The following SDK1 variants were observed in gnomAD, a reference collection of about 807,000 sequenced individuals.
The protein encoded by SDK1 is protein sidekick-1.
SDK1 carries 157 observed loss-of-function variants against 245.5 expected under a neutral mutation model. That is an observed-to-expected ratio of 0.64 (90% confidence interval 0.56 to 0.73). The LOEUF is 0.73. SDK1 is among the 30% of genes least tolerant of loss of function. SDK1 has a pLI of 0.00. For synonymous variants in SDK1, 1,647 were observed against 1,278.5 expected, an observed-to-expected ratio of 1.29 and a Z score of -6.15; for missense variants, 3,583 against 3,002.3, an observed-to-expected ratio of 1.19 and a Z score of -4.52.
chr7:3,662,456 C>T (rs573932065), intron 4 of SDK1, among the ~76,000 whole-genome samples: 1 of 152,238 alleles, frequency 6.6e-6, no homozygotes, highest in South Asian at 2.1e-4. Context: ...TGACTGTAGA[C>T]AACTCTCCTA....
chr7:3,603,000 A>C (rs1201034884), intron 1 of SDK1, among the ~76,000 whole-genome samples: 2 of 152,108 alleles, frequency 1.3e-5, no homozygotes, highest in Admixed American at 6.6e-5. Flanking sequence ...ATATACATGC[A>C]GCATTATTTC....
chr7:3,780,821 T>C (rs906941149), intron 4 of SDK1, among the ~76,000 whole-genome samples: 15 of 152,004 alleles, frequency 9.9e-5, no homozygotes, highest in African/African-American at 3.4e-4. Flanking sequence ...GCAGCACTAC[T>C]CAGCCAAAAA....
At chr7:3,838,844 A>C (rs956353075) in intron 5 of SDK1, among the ~76,000 whole-genome samples, 1 of 152,298 alleles carries the variant, frequency 6.6e-6, no homozygotes, top group Middle Eastern at 3.4e-3. Flanking sequence ...AATATAACCA[A>C]GTCTCTATCA....
At position 4,067,913 on chromosome 7, in the gene SDK1, T is replaced by G. The variant is rs145811526; in HGVS notation, c.2987T>G (p.Leu996Arg). ...CTCAAGGTCAGCTGGCAGGAGCCCC[T>G]GGAGAAAAATGGCATCATTACTGGT... is the stretch of plus-strand genomic sequence containing the variant. The part of the protein sequence containing the change: ...TSLKVSWQEP[L>R]EKNGIITGYQ... The change falls in exon 20 of 45, where the codon CTG becomes CGG. Residue 996 changes from leucine to arginine, a missense_variant. Physicochemically the swap from Leu to Arg is moderately radical, Grantham distance 102 (BLOSUM62 -2). Transcript: ENST00000404826. 169 of 1,611,806 alleles carry G rather than the reference T, an allele frequency of 1.0e-4. No individual in the cohort carries two copies. The highest frequency in any genetic ancestry group is 6.7e-5 in the Admixed American group (4 of 59,800).
intron 5 of SDK1, among the ~76,000 whole-genome samples, chr7:3,893,066 C>G (rs1207067249): frequency 6.6e-6 from 1 of 152,164 alleles, no homozygotes; most frequent in Non-Finnish European, 1.5e-5. Context: ...GGTGTGGGTC[C>G]ATCATATACC....
chr7:3,877,393 T>G (rs765615251), intron 5 of SDK1, among the ~76,000 whole-genome samples: 1 of 152,168 alleles, frequency 6.6e-6, no homozygotes. Flanking sequence ...GCTATGACAT[T>G]GTTAAACGTT....
At chr7:3,764,530 A>G (rs1780196957) in intron 4 of SDK1, among the ~76,000 whole-genome samples, 1 of 152,110 alleles carries the variant, frequency 6.6e-6, no homozygotes. Flanking sequence ...TACTAATAAT[A>G]CAAAAATTAG....
chr7:3,812,102 A>G (rs1583439496), intron 4 of SDK1, among the ~76,000 whole-genome samples: 2 of 152,224 alleles, frequency 1.3e-5, no homozygotes, highest in Admixed American at 1.3e-4. Flanking sequence ...CATATTTTCC[A>G]GTATGTCTTC....
rs531104426 is a variant in SDK1 at position 3,849,834 on chromosome 7, C to G, written c.847+28251C>G. ...TAGGTCTTTCTTAAAAAAGCTGTTC[C>G]AAAGCTCACGTGGAGAGTTTGTGAT... On this transcript the variant is annotated intron_variant, in intron 5 of 44. Coordinates refer to ENST00000404826, the MANE Select transcript of SDK1 (RefSeq NM_152744.4). Among the ~76,000 whole-genome samples the G allele has an allele frequency of 3.3e-5, 5 of 152,228 alleles. No individual in the cohort carries two copies. In the South Asian group the frequency reaches 1.0e-3, roughly 32 times the overall value.
chr7:3,474,176 C>G (rs1206538807), intron 1 of SDK1, among the ~76,000 whole-genome samples: 1 of 139,014 alleles, frequency 7.2e-6, no homozygotes, highest in African/African-American at 2.7e-5. Context: ...AATCTCGGCT[C>G]ACTGCAACCT....
chr7:3,489,825 C>G (rs1290703211), intron 1 of SDK1, among the ~76,000 whole-genome samples: 1 of 152,172 alleles, frequency 6.6e-6, no homozygotes, highest in Non-Finnish European at 1.5e-5. Context: ...CAGCAAGATT[C>G]ATGCTAACTA....
In SDK1 at chr7:3,662,190, A is replaced by G. The variant is rs191318536; in HGVS notation, c.713+20085A>G. Among the ~76,000 whole-genome samples the G allele has an allele frequency of 3.3e-5, 5 of 152,236 alleles. No homozygotes were observed. In the East Asian group the frequency reaches 5.8e-4, roughly 18 times the overall value. ...ATTCGAACAAAAGTCCAAATTCTCA[A>G]TAACAATAGGTAAAATGGAACTGAT... On this transcript the variant is annotated intron_variant, in intron 4 of 44. Transcript: ENST00000404826.
At chr7:3,340,165 C>A in intron 1 of SDK1, among the ~76,000 whole-genome samples, 1 of 151,294 alleles carries the variant, frequency 6.6e-6, no homozygotes, top group East Asian at 1.9e-4. Flanking sequence ...AAAACTCAAC[C>A]AAGACAAAAT....
At chr7:3,542,097 G>T (rs1031516823) in intron 1 of SDK1, among the ~76,000 whole-genome samples, 7 of 152,108 alleles carry the variant, frequency 4.6e-5, no homozygotes, top group Non-Finnish European at 8.8e-5. Context: ...ATTTCACATT[G>T]ATTTAAAATT....
chr7:3,588,862 C>T (rs1253099900), intron 1 of SDK1, among the ~76,000 whole-genome samples: 1 of 152,162 alleles, frequency 6.6e-6, no homozygotes, highest in East Asian at 1.9e-4. Flanking sequence ...ATTGGATTTA[C>T]TCTGCTTTCC....
At chr7:4,142,831 A>G (rs1288460116) in intron 28 of SDK1, among the ~76,000 whole-genome samples, 1 of 152,224 alleles carries the variant, frequency 6.6e-6, no homozygotes, top group Non-Finnish European at 1.5e-5. Context: ...AGCTCAAGAA[A>G]TCATAACAAT....
intron 4 of SDK1, among the ~76,000 whole-genome samples, chr7:3,680,615 ATCT>A (rs1308521083): frequency 2.0e-5 from 3 of 152,202 alleles, no homozygotes; most frequent in Non-Finnish European, 4.4e-5. Flanking sequence ...CAATTTTGGT[ATCT>A]TCTTATGAAT....
At chr7:3,589,427 T>G (rs1295768149) in intron 1 of SDK1, among the ~76,000 whole-genome samples, 2 of 152,250 alleles carry the variant, frequency 1.3e-5, no homozygotes, top group African/African-American at 4.8e-5. Context: ...ACCACCTCCA[T>G]GGCGCCTCCC....
chr7:4,129,110 G>C (rs1339929233), intron 26 of SDK1, among the ~76,000 whole-genome samples: 34 of 135,082 alleles, frequency 2.5e-4, no homozygotes, highest in African/African-American at 2.8e-4. Context: ...CCCTGGAAGA[G>C]AGCAGCTTGG....
Sources: gnomAD v4.1 joint callset for allele counts (sites outside exome capture counted in the v4.1 genomes callset) on GRCh38, gnomAD v4.1.1 for gene constraint, MANE v1.5 for transcripts, NCBI Gene and HGNC (gene_info 2026-07-23, HGNC 2026-07-21) for gene names.